FILIP1L: variants seen among roughly 807,000 people sequenced by gnomAD.
The protein encoded by FILIP1L is filamin A-interacting protein 1-like.
Under a neutral mutation model 96.6 loss-of-function variants are expected in FILIP1L, and 55 were observed. The ratio of observed to expected loss-of-function variants is 0.57; its 90% confidence interval spans 0.46 to 0.71. FILIP1L has a LOEUF of 0.71. Among genes scored for constraint, FILIP1L ranks in the 30% least tolerant of loss-of-function variants. The pLI, the probability that FILIP1L is intolerant of heterozygous loss-of-function variation, is 0.00. For synonymous variants in FILIP1L, 467 were observed against 473.9 expected (o/e 0.99, Z 0.19); for missense variants, 1,304 against 1,321.2 (o/e 0.99, Z 0.20).
In FILIP1L at chr3:100,069,609, A is replaced by G. The variant is rs80193039; in HGVS notation, c.-11+44444T>C. On this transcript the variant is annotated intron_variant, in intron 1 of 5. Coordinates refer to ENST00000477258, the MANE Select transcript of FILIP1L (RefSeq NM_001387850.1). ...GCTTCAGTCTCCTGAGGCACCAGAC[A>G]GTTTATACTCTTAAGAATTTTCACT... Among the ~76,000 whole-genome samples, 133 of 152,336 alleles carry G rather than the reference A, an allele frequency of 8.7e-4. 2 individuals are homozygous for G. The East Asian group carries it at 0.023, about 26-fold the overall frequency.
At chr3:99,959,598 G>A (rs1239749989) in intron 1 of FILIP1L, among the ~76,000 whole-genome samples, 1 of 152,042 alleles carries the variant, frequency 6.6e-6, no homozygotes, top group Non-Finnish European at 1.5e-5. Flanking sequence ...AATTTCTTTA[G>A]CAGTCTGATA....
chr3:99,997,715 T>A (rs1158325495), intron 1 of FILIP1L, among the ~76,000 whole-genome samples: 1 of 152,190 alleles, frequency 6.6e-6, no homozygotes, highest in Non-Finnish European at 1.5e-5. Flanking sequence ...TATTAGTAGT[T>A]TAAAACTTTG....
chr3:99,942,870 A>G (rs1337577796), intron 1 of FILIP1L, among the ~76,000 whole-genome samples: 1 of 151,982 alleles, frequency 6.6e-6, no homozygotes, highest in Non-Finnish European at 1.5e-5. Flanking sequence ...TTCTTAAAAG[A>G]AAAAAAGAGA....
At chr3:99,950,503 G>A (rs919920637) in intron 1 of FILIP1L, among the ~76,000 whole-genome samples, 11 of 152,178 alleles carry the variant, frequency 7.2e-5, no homozygotes, top group African/African-American at 1.9e-4. Context: ...ATTATCTTCC[G>A]TTTTCACTAG....
intron 1 of FILIP1L, among the ~76,000 whole-genome samples, chr3:100,110,954 C>T (rs929447943): frequency 2.6e-5 from 4 of 152,120 alleles, no homozygotes; most frequent in Non-Finnish European, 4.4e-5. Context: ...TACTAATATA[C>T]TATACTGTTC....
chr3:100,040,678 A>C (rs1432210995), intron 1 of FILIP1L: 4 of 152,222 alleles, frequency 2.6e-5, no homozygotes, highest in Admixed American at 6.5e-5. Context: ...ATCATGAAAC[A>C]CTTCATTTGA....
At chr3:100,077,128 A>G (rs1186006249) in intron 1 of FILIP1L, among the ~76,000 whole-genome samples, 1 of 152,214 alleles carries the variant, frequency 6.6e-6, no homozygotes, top group Admixed American at 6.5e-5. Context: ...GTCCTTTGAA[A>G]GAAGAGTGGA....
chr3:99,880,158 A>G (rs1254761666), intron 4 of FILIP1L, among the ~76,000 whole-genome samples: 2 of 152,122 alleles, frequency 1.3e-5, no homozygotes, highest in African/African-American at 4.8e-5. Flanking sequence ...GCCAAAGGGG[A>G]TGTCTGTGGT....
intron 1 of FILIP1L, among the ~76,000 whole-genome samples, chr3:100,009,715 T>C (rs1411734846): frequency 6.6e-6 from 1 of 152,222 alleles, no homozygotes; most frequent in Non-Finnish European, 1.5e-5. Context: ...GGCACCTTTT[T>C]CTTGAGTCAT....
chr3:99,990,280 A>G (rs189659073), intron 1 of FILIP1L, among the ~76,000 whole-genome samples: 18 of 152,264 alleles, frequency 1.2e-4, no homozygotes, highest in South Asian at 8.3e-4. Flanking sequence ...TTCTGTTTCT[A>G]TATCAGGGCT....
At position 99,829,269 on chromosome 3, in the gene FILIP1L, T is replaced by C. The variant is rs1479789570; in HGVS notation, c.*1145A>G. On this transcript the variant is annotated 3_prime_UTR_variant, in exon 6 of 6. Coordinates refer to ENST00000477258, the MANE Select transcript of FILIP1L (RefSeq NM_001387850.1). ...GATTGAAGCTTTTTGAAATGTTTTT[T>C]GAACTGCCTTTTGTGTCAAACATGC... 6.6e-6 allele frequency among the ~76,000 whole-genome samples: 1 copy of C among 152,190 alleles called. No homozygotes were observed. Among genetic ancestry groups the C allele is most frequent in the Non-Finnish European group, 1.5e-5 (1 of 68,038 alleles).
At chr3:100,004,901 G>A (rs1202530659) in intron 1 of FILIP1L, among the ~76,000 whole-genome samples, 1 of 152,154 alleles carries the variant, frequency 6.6e-6, no homozygotes, top group Non-Finnish European at 1.5e-5. Context: ...CTGTTGGCAA[G>A]CAGATTCTCA....
chr3:99,988,523 A>AG (rs1374891046), intron 1 of FILIP1L, among the ~76,000 whole-genome samples: 5 of 142,300 alleles, frequency 3.5e-5, no homozygotes, highest in African/African-American at 7.7e-5. Context: ...AAAAAAAAAA[A>AG]AAAAAAAGAA....
intron 4 of FILIP1L, among the ~76,000 whole-genome samples, chr3:99,920,667 C>A (rs1332224015): frequency 6.6e-6 from 1 of 152,220 alleles, no homozygotes; most frequent in Non-Finnish European, 1.5e-5. Flanking sequence ...CTGCCCCCAC[C>A]CACCCTCAGT....
intron 4 of FILIP1L, among the ~76,000 whole-genome samples, chr3:99,873,983 A>G (rs1428709603): frequency 2.0e-5 from 3 of 152,224 alleles, no homozygotes; most frequent in Non-Finnish European, 4.4e-5. Context: ...GATTGTCCCA[A>G]GGACTAAGAA....
chr3:99,968,031 A>G (rs1234015343), intron 1 of FILIP1L, among the ~76,000 whole-genome samples: 1 of 152,212 alleles, frequency 6.6e-6, no homozygotes, highest in Non-Finnish European at 1.5e-5. Flanking sequence ...GTTCACAGAG[A>G]GATACAATCT....
At chr3:99,974,342 AG>A (rs1708906576) in intron 1 of FILIP1L, among the ~76,000 whole-genome samples, 1 of 152,168 alleles carries the variant, frequency 6.6e-6, no homozygotes, top group African/African-American at 2.4e-5. Flanking sequence ...TTTCTTTGTA[AG>A]TTTAGTAAAG....
intron 1 of FILIP1L, among the ~76,000 whole-genome samples, chr3:99,991,073 G>A (rs1469152005): frequency 1.3e-5 from 2 of 152,136 alleles, no homozygotes; most frequent in African/African-American, 4.8e-5. Context: ...AAATGTCACT[G>A]GGGGTCAGTC....
chr3:99,984,143 G>A (rs919766224), intron 1 of FILIP1L, among the ~76,000 whole-genome samples: 1 of 151,906 alleles, frequency 6.6e-6, no homozygotes, highest in Non-Finnish European at 1.5e-5. Context: ...AGTTCTGGAA[G>A]TCCATCACAA....
Sources: allele counts gnomAD v4.1 joint callset (sites outside exome capture counted in the v4.1 genomes callset), GRCh38; gene constraint gnomAD v4.1.1; transcripts MANE v1.5; gene names NCBI Gene and HGNC (gene_info 2026-07-23, HGNC 2026-07-21).